PCDHGA8: variants seen among roughly 807,000 people sequenced by gnomAD.
PCDHGA8 encodes protocadherin gamma-A8.
In PCDHGA8, 45 loss-of-function variants were observed where a neutral mutation model predicts 59.2. The observed-to-expected ratio is 0.76, with a 90% CI of 0.60 to 0.98. The LOEUF is 0.98. PCDHGA8 is among the 50% of genes least tolerant of loss of function. The probability of loss-of-function intolerance (pLI) is 0.00; values close to 1 mark genes in which losing one functional copy is unlikely to be tolerated. For synonymous variants in PCDHGA8, 531 were observed against 519.0 expected (o/e 1.02, Z -0.32); for missense variants, 1,257 against 1,196.2 (o/e 1.05, Z -0.75).
intron 1 of PCDHGA8, among the ~76,000 whole-genome samples, chr5:141,455,291 A>G (rs1212745731): frequency 6.6e-6 from 1 of 152,072 alleles, no homozygotes; most frequent in Non-Finnish European, 1.5e-5. Flanking sequence ...CACTTTACAT[A>G]GTTTCATCTT....
intron 1 of PCDHGA8, chr5:141,419,059 T>C (rs574873856): frequency 1.6e-5 from 26 of 1,613,962 alleles, no homozygotes; most frequent in Non-Finnish European, 2.0e-5. Context: ...CTTCTAATAA[T>C]TACTACAAGC....
In PCDHGA8 at chr5:141,511,106, G is replaced by A. The variant is rs536900646; in HGVS notation, c.2732G>A (p.Arg911Gln). 4.6e-5 allele frequency: 75 copies of A among 1,614,196 alleles called. No individual in the cohort carries two copies. In the East Asian group the frequency reaches 5.8e-4, roughly 12 times the overall value. Reference protein sequence around the residue: ...NATLTNAAGKRDGKAPAGGNG... With the variant: ...NATLTNAAGKQDGKAPAGGNG... ...ACACTGACCAACGCAGCTGGCAAGC[G>A]GGATGGCAAGGCCCCAGCAGGTGGC... The change falls in exon 4 of 4, where the codon CGG (arginine) becomes CAG (glutamine). Residue 911 changes from arginine (R) to glutamine (Q), a missense_variant. Coordinates refer to ENST00000398604, the MANE Select transcript of PCDHGA8 (RefSeq NM_032088.2).
In PCDHGA8 at chr5:141,427,233, G is replaced by A. The variant is rs147039909; in HGVS notation, c.2424+31996G>A. On this transcript the variant is annotated intron_variant, in intron 1 of 3. Transcript: ENST00000398604. Reference sequence around the variant, plus strand: ...ATTTCGTAGCAGTTATACCATGAGAGTAGAAGCTAAGGATGGTGGAGGCAT... The same window carrying A: ...ATTTCGTAGCAGTTATACCATGAGAATAGAAGCTAAGGATGGTGGAGGCAT... 180 of 456,756 alleles carry A rather than the reference G, an allele frequency of 3.9e-4. 1 individual carries two copies. The highest frequency in any genetic ancestry group is 3.5e-3 in the African/African-American group (176 of 50,196). The allele number at this position is 456,756 out of a possible 1,614,324, so 28.3% of individuals were successfully genotyped here.
rs1395688351 is a variant in PCDHGA8 at position 141,485,907 on chromosome 5, C to A, written c.2425-8900C>A. On this transcript the variant is annotated intron_variant, in intron 1 of 3. Coordinates refer to ENST00000398604, the MANE Select transcript of PCDHGA8 (RefSeq NM_032088.2). The surrounding 1 kb of genome is among the most constrained non-coding windows in gnomAD (Gnocchi z 5.7). ...GACAACGCCCCAGCCTTCCAGCAAT[C>A]CAGCTACAGGATTAGTGTGTTGGAG... is the stretch of plus-strand genomic sequence containing the variant. 6.2e-7 allele frequency: 1 copy of A among 1,614,176 alleles called. No homozygotes were observed.
In PCDHGA8 at chr5:141,422,662, G is replaced by A. The variant is rs771844166; in HGVS notation, c.2424+27425G>A. On this transcript the variant is annotated intron_variant, in intron 1 of 3. Transcript: ENST00000398604. Reference sequence around the variant, plus strand: ...CTCCATCTTCTCAGTGACCGCCCTCGACCCGGACAGCAAACAGAATGCCCT... The same window carrying A: ...CTCCATCTTCTCAGTGACCGCCCTCAACCCGGACAGCAAACAGAATGCCCT... 4 of 1,608,410 alleles carry A rather than the reference G, an allele frequency of 2.5e-6. No individual in the cohort carries two copies. In the South Asian group the frequency reaches 3.3e-5, roughly 13 times the overall value.
At chr5:141,424,022 AAC>A (rs1390245883) in intron 1 of PCDHGA8, 1 of 1,046,586 alleles carries the variant, frequency 9.6e-7, no homozygotes, top group Non-Finnish European at 1.2e-6. Flanking sequence ...ATGATTCACA[AAC>A]ACTTTTTATT....
chr5:141,421,850 C>T, intron 1 of PCDHGA8: 1 of 1,613,752 alleles, frequency 6.2e-7, no homozygotes, highest in Non-Finnish European at 8.5e-7. Context: ...AAAGAGGCTG[C>T]TCACCTGCTC....
chr5:141,423,648 G>T, intron 1 of PCDHGA8: 1 of 1,590,008 alleles, frequency 6.3e-7, no homozygotes, highest in Admixed American at 1.8e-5. Context: ...AATGTGACCC[G>T]ACAAGTAATC....
intron 1 of PCDHGA8, among the ~76,000 whole-genome samples, chr5:141,470,600 G>A (rs890975756): frequency 4.6e-5 from 7 of 152,142 alleles, no homozygotes; most frequent in South Asian, 2.1e-4. Context: ...CGACCTGTGC[G>A]GGGACACAGG....
intron 1 of PCDHGA8, chr5:141,414,350 C>T (rs1450829111): frequency 1.9e-6 from 3 of 1,613,726 alleles, no homozygotes; most frequent in Admixed American, 1.7e-5. Flanking sequence ...TCCATTTTGG[C>T]GTATCTACCA....
intron 1 of PCDHGA8, chr5:141,413,826 C>G (rs1363449): frequency 6.2e-7 from 1 of 1,613,180 alleles, no homozygotes; most frequent in Non-Finnish European, 8.5e-7. Flanking sequence ...TGGTCCTCAC[C>G]GCCTCCGACG....
chr5:141,511,138 A>C lies in PCDHGA8; in HGVS notation c.2764A>C (p.Asn922His). 6.2e-7 allele frequency: 1 copy of C among 1,614,210 alleles called. No homozygotes were observed. ...DGKAPAGGNGNKKKSGKKEKK is the reference protein window; with the variant it reads ...DGKAPAGGNGHKKKSGKKEKK ...CAAGGCCCCAGCAGGTGGCAATGGCAACAAGAAGAAGTCGGGCAAGAAGGA... is the reference window on the plus strand; with the variant it reads ...CAAGGCCCCAGCAGGTGGCAATGGCCACAAGAAGAAGTCGGGCAAGAAGGA... Residue 922 changes from asparagine to histidine, a missense_variant, in exon 4 of 4, where the codon AAC becomes CAC. Transcript: ENST00000398604.
In PCDHGA8 at chr5:141,394,938, G is replaced by T. The variant is rs367656720; in HGVS notation, c.2125G>T (p.Ala709Ser). 6.2e-7 allele frequency: 1 copy of T among 1,613,662 alleles called. No homozygotes were observed. The highest frequency in any genetic ancestry group is 8.5e-7 in the Non-Finnish European group (1 of 1,179,888). The change falls in exon 1 of 4, where the codon GCT becomes TCT. Residue 709 changes from alanine (A) to serine (S), a missense_variant. Physicochemically the swap from Ala to Ser is moderately conservative, Grantham distance 99. Coordinates refer to ENST00000398604, the MANE Select transcript of PCDHGA8 (RefSeq NM_032088.2). ...AISCVFLAFV[A>S]VLLGLRLRRW... The stretch of plus-strand genomic sequence containing the variant: ...CTCCTGTGTCTTCCTCGCCTTTGTC[G>T]CTGTGCTTCTGGGGCTCAGGCTGAG...
chr5:141,403,927 G>A, intron 1 of PCDHGA8: 3 of 1,613,852 alleles, frequency 1.9e-6, no homozygotes, highest in East Asian at 2.2e-5. Context: ...AAGATGGTGG[G>A]GGATTGAAAG....
intron 1 of PCDHGA8, among the ~76,000 whole-genome samples, chr5:141,446,453 A>T (rs2098502702): frequency 6.6e-6 from 1 of 151,946 alleles, no homozygotes; most frequent in Non-Finnish European, 1.5e-5. Context: ...GCAGATATTC[A>T]GTGTGTGATT....
rs768938171 is a variant in PCDHGA8 at position 141,487,276 on chromosome 5, C to T, written c.2425-7531C>T. ...TGGCTGTGTCCCTAGTGGCAATTTG[C>T]TTTGTCTCCTTTGGCTCATTCGTGG... On this transcript the variant is annotated intron_variant, in intron 1 of 3. Transcript: ENST00000398604. The surrounding 1 kb of genome is among the most constrained non-coding windows in gnomAD (Gnocchi z 5.0). The T allele has an allele frequency of 2.5e-6, 4 of 1,614,158 alleles. No homozygotes were observed. The East Asian group carries it at 8.9e-5, about 36-fold the overall frequency.
intron 1 of PCDHGA8, chr5:141,395,547 TGTGTGTGTGTGTGTGTG>T (rs2093270399): frequency 1.4e-4 from 25 of 174,246 alleles, no homozygotes; most frequent in Middle Eastern, 2.2e-3. Context: ...ATTGTTTGTG[TGTGTGTGTGTGTGTGTG>T]TGTGTGTGTG....
intron 1 of PCDHGA8, chr5:141,418,093 C>T: frequency 6.2e-7 from 1 of 1,614,032 alleles, no homozygotes; most frequent in East Asian, 2.2e-5. Flanking sequence ...TCAGCGTAGA[C>T]GCGCAGAGCG....
rs564197257 is a variant in PCDHGA8, at chr5:141,458,715, A to G, written c.2425-36092A>G. On this transcript the variant is annotated intron_variant, in intron 1 of 3. Coordinates refer to ENST00000398604, the MANE Select transcript of PCDHGA8 (RefSeq NM_032088.2). ...CTCCCGAGTAGCTGGGATTACAGGT[A>G]TTCGCCACCACATCCAGCTATTGGT... Among the ~76,000 whole-genome samples the G allele has an allele frequency of 3.9e-5, 6 of 152,082 alleles. No homozygotes were observed. The East Asian group carries it at 9.7e-4, about 25-fold the overall frequency.
Sources: gnomAD v4.1 joint callset for allele counts (sites outside exome capture counted in the v4.1 genomes callset) on GRCh38, gnomAD v4.1.1 for gene constraint, Gnocchi (gnomAD v3.1) non-coding constraint, MANE v1.5 for transcripts, NCBI Gene and HGNC (gene_info 2026-07-23, HGNC 2026-07-21) for gene names.